ANKRD30B: variants seen among roughly 807,000 people sequenced by gnomAD.
ANKRD30B encodes the protein ankyrin repeat domain-containing protein 30B.
Under a neutral mutation model 202.2 loss-of-function variants are expected in ANKRD30B, and 144 were observed. The observed-to-expected ratio is 0.71, with a 90% CI of 0.62 to 0.82. The LOEUF (loss-of-function observed/expected upper bound fraction) is 0.82. ANKRD30B is among the 40% of genes least tolerant of loss of function. The pLI is 0.00. For synonymous variants in ANKRD30B, 508 were observed against 561.3 expected (o/e 0.91, Z 1.34); for missense variants, 1,487 against 1,669.1 (o/e 0.89, Z 1.90).
At chr18:14,847,352 C>A (rs565055524) in intron 39 of ANKRD30B, among the ~76,000 whole-genome samples, 32 of 151,114 alleles carry the variant, frequency 2.1e-4, no homozygotes, top group Non-Finnish European at 3.7e-4. Flanking sequence ...CAGCCTGGAT[C>A]TGTGGGATTG....
At chr18:14,834,179 A>G (rs886450255) in intron 34 of ANKRD30B, among the ~76,000 whole-genome samples, 1 of 152,184 alleles carries the variant, frequency 6.6e-6, no homozygotes, top group East Asian at 1.9e-4. Flanking sequence ...ATTTTTCCAT[A>G]CAAGAGGTAA....
At chr18:14,774,688 A>G (rs564009718) in intron 9 of ANKRD30B, among the ~76,000 whole-genome samples, 3 of 151,838 alleles carry the variant, frequency 2.0e-5, no homozygotes, top group African/African-American at 7.3e-5. Flanking sequence ...TTTTCCACAC[A>G]AGAGGTAATT....
chr18:14,934,908 C>CCCCACACA, the ANKRD30B span, among the ~76,000 whole-genome samples: 1 of 134,602 alleles, frequency 7.4e-6, no homozygotes, highest in African/African-American at 3.0e-5. Context: ...CCTCCCTCTA[C>CCCCACACA]CACACACACA....
intron 26 of ANKRD30B, among the ~76,000 whole-genome samples, chr18:14,809,051 A>T (rs1262623248): frequency 6.7e-6 from 1 of 148,376 alleles, no homozygotes; most frequent in Non-Finnish European, 1.5e-5. Flanking sequence ...CAAGATAGTG[A>T]AAGCTGGGTC....
chr18:14,881,607 G>A, the ANKRD30B span, among the ~76,000 whole-genome samples: 37 of 151,618 alleles, frequency 2.4e-4, no homozygotes, highest in Admixed American at 1.1e-3. Flanking sequence ...AGAATGAATC[G>A]GGGAGGGTTT....
the ANKRD30B span, among the ~76,000 whole-genome samples, chr18:14,866,684 G>C: frequency 6.6e-6 from 1 of 152,188 alleles, no homozygotes; most frequent in African/African-American, 2.4e-5. Flanking sequence ...GTGGGGTGGT[G>C]GTGGGGTGGG....
At chr18:14,938,368 C>A in the ANKRD30B span, among the ~76,000 whole-genome samples, 1 of 152,228 alleles carries the variant, frequency 6.6e-6, no homozygotes, top group East Asian at 1.9e-4. Flanking sequence ...GGATGAAATG[C>A]TCCCACGCTT....
At chr18:14,838,177 A>G (rs1202467796) in intron 36 of ANKRD30B, among the ~76,000 whole-genome samples, 2 of 152,250 alleles carry the variant, frequency 1.3e-5, no homozygotes, top group Non-Finnish European at 1.5e-5. Flanking sequence ...TAAGGCTTAG[A>G]AGGCATTAGG....
rs1293210655 is a variant in ANKRD30B, at chr18:14,836,826, TC to T, written c.2848-383del. ...TGCTATTGCACCTAGAGTCTTTGTA[TC>T]CTGACTCTGCACGTTGTCTGTCCTT... On this transcript the variant is annotated intron_variant, in intron 34 of 43. Transcript: ENST00000690538. Among the ~76,000 whole-genome samples, 3 of 151,896 alleles carry T rather than the reference TC, an allele frequency of 2.0e-5. No individual in the cohort carries two copies. The East Asian group carries it at 5.8e-4, about 29-fold the overall frequency.
intron 16 of ANKRD30B, among the ~76,000 whole-genome samples, chr18:14,793,367 G>A (rs535493595): frequency 4.6e-5 from 7 of 152,066 alleles, no homozygotes; most frequent in East Asian, 1.9e-4. Flanking sequence ...TTATTATAAT[G>A]TGTTGCATTA....
intron 32 of ANKRD30B, among the ~76,000 whole-genome samples, chr18:14,826,703 A>T (rs1187146195): frequency 2.0e-4 from 30 of 150,740 alleles, no homozygotes; most frequent in South Asian, 1.7e-3. Context: ...TCACACACAC[A>T]CACACACACA....
At chr18:14,921,472 G>A in the ANKRD30B span, among the ~76,000 whole-genome samples, 1 of 152,160 alleles carries the variant, frequency 6.6e-6, no homozygotes, top group Non-Finnish European at 1.5e-5. Context: ...ACAACCCAAG[G>A]TGTCACGAGG....
chr18:14,847,254 C>T (rs1346698712), intron 39 of ANKRD30B, among the ~76,000 whole-genome samples: 1 of 151,576 alleles, frequency 6.6e-6, no homozygotes, highest in Non-Finnish European at 1.5e-5. Flanking sequence ...CTCATCACAA[C>T]TCACCTTCAA....
At position 14,818,070 on chromosome 18, in the gene ANKRD30B, A is replaced by G. The variant is rs1051720852; in HGVS notation, c.2641+3359A>G. 1.5e-4 allele frequency among the ~76,000 whole-genome samples: 23 copies of G among 152,170 alleles called. 1 individual carries two copies. The highest frequency in any genetic ancestry group is 3.2e-4 in the Non-Finnish European group (22 of 68,024). On this transcript the variant is annotated intron_variant, in intron 30 of 43. Transcript: ENST00000690538. ...TGTACTGAGAAATAAAAAGTAGAGA[A>G]AAATGAGAGATTAAGCATGTTTTAT... is the stretch of plus-strand genomic sequence containing the variant.
chr18:14,797,663 T>G lies in ANKRD30B; in HGVS notation c.1930T>G (p.Ser644Ala). Reference sequence around the variant, plus strand: ...TATAAATGTCCCTTTTCTTTTAGAGTCTCCTGATAAAGATGGTCTTCTGAA... The same window carrying G: ...TATAAATGTCCCTTTTCTTTTAGAGGCTCCTGATAAAGATGGTCTTCTGAA... The part of the protein sequence containing the change: ...LKDRETFKAE[S>A]PDKDGLLKPT... Residue 644 changes from serine to alanine, a missense_variant and splice_region_variant, in exon 19 of 44, where the codon TCT becomes GCT. Coordinates refer to ENST00000690538, the MANE Select transcript of ANKRD30B (RefSeq NM_001367607.2). The G allele has an allele frequency of 1.9e-6, 3 of 1,607,454 alleles. No individual in the cohort carries two copies. Among genetic ancestry groups the G allele is most frequent in the South Asian group, 2.2e-5 (2 of 90,908 alleles).
At chr18:14,830,929 T>C (rs565355105) in intron 33 of ANKRD30B, among the ~76,000 whole-genome samples, 1 of 151,960 alleles carries the variant, frequency 6.6e-6, no homozygotes, top group Non-Finnish European at 1.5e-5. Context: ...ACGCCTGTAA[T>C]CCCAGCACTT....
chr18:14,808,880 A>G (rs1244883317), intron 26 of ANKRD30B, 136 bp downstream of exon 26: 1 of 792,754 alleles, frequency 1.3e-6, no homozygotes, highest in Non-Finnish European at 1.9e-6. Flanking sequence ...TGCAAATGTT[A>G]GTATTTATGT....
the ANKRD30B span, among the ~76,000 whole-genome samples, chr18:14,912,445 C>G: frequency 3.3e-5 from 5 of 152,234 alleles, no homozygotes; most frequent in South Asian, 1.0e-3. Flanking sequence ...GTTGGACTAT[C>G]CTTGCATCCC....
chr18:14,854,736 A>G (rs1414802244), downstream of ANKRD30B, among the ~76,000 whole-genome samples: 9 of 152,140 alleles, frequency 5.9e-5, no homozygotes, highest in East Asian at 1.9e-4. Context: ...TGACAACTCT[A>G]TACTTGGTTC....
Sources: allele counts gnomAD v4.1 joint callset (sites outside exome capture counted in the v4.1 genomes callset), GRCh38; gene constraint gnomAD v4.1.1; transcripts MANE v1.5; gene names NCBI Gene and HGNC (gene_info 2026-07-23, HGNC 2026-07-21).